DNAJC6: variants seen among roughly 807,000 people sequenced by gnomAD.
DNAJC6 encodes auxilin.
Under a neutral mutation model 110.0 loss-of-function variants are expected in DNAJC6, and 34 were observed. The ratio of observed to expected loss-of-function variants is 0.31; its 90% CI spans 0.24 to 0.41. DNAJC6 has a LOEUF of 0.41. Ranked by LOEUF, DNAJC6 falls within the 10% of genes least tolerant of loss-of-function variation. DNAJC6 has a pLI of 1.00. For synonymous variants in DNAJC6, 406 were observed against 437.2 expected (o/e 0.93, Z 0.89); for missense variants, 1,031 against 1,207.8 (o/e 0.85, Z 2.17).
chr1:65,360,539 A>G (rs772915763), intron 1 of DNAJC6, among the ~76,000 whole-genome samples: 3 of 152,230 alleles, frequency 2.0e-5, no homozygotes, highest in Non-Finnish European at 2.9e-5. Context: ...TTCAGGCTGA[A>G]CACATGAAAA....
chr1:65,301,999 G>A (rs1570243549), intron 1 of DNAJC6, among the ~76,000 whole-genome samples: 2 of 150,298 alleles, frequency 1.3e-5, no homozygotes, highest in Admixed American at 1.3e-4. Context: ...GAGAGAGGGA[G>A]AGAAAGAGAA....
chr1:65,384,169 G>T, intron 5 of DNAJC6, 24 bp from the exon 6 acceptor site: 2 of 1,439,634 alleles, frequency 1.4e-6, no homozygotes, highest in South Asian at 1.7e-5. Context: ...TGTTCATAAT[G>T]ATTTTATGCA....
At chr1:65,281,077 G>A (rs1316235812) in intron 1 of DNAJC6, among the ~76,000 whole-genome samples, 2 of 151,998 alleles carry the variant, frequency 1.3e-5, no homozygotes, top group South Asian at 2.1e-4. Context: ...GTGGGTGCTC[G>A]CCATTACACT....
chr1:65,289,887 C>G (rs1644849226), intron 1 of DNAJC6, among the ~76,000 whole-genome samples: 1 of 150,968 alleles, frequency 6.6e-6, no homozygotes, highest in Admixed American at 6.6e-5. Context: ...TGGGCTCACT[C>G]TAACCTCCAC....
intron 1 of DNAJC6, among the ~76,000 whole-genome samples, chr1:65,337,709 A>G (rs775189975): frequency 3.9e-5 from 6 of 152,230 alleles, no homozygotes; most frequent in Non-Finnish European, 7.3e-5. Context: ...ATTGCAATGT[A>G]ATAGGTATTA....
intron 9 of DNAJC6, 58 bp downstream of exon 9, chr1:65,388,473 G>T: frequency 4.7e-6 from 7 of 1,491,472 alleles, no homozygotes; most frequent in Non-Finnish European, 5.6e-6. Flanking sequence ...AAGTGCTGAG[G>T]CTCAATGGCA....
At chr1:65,291,003 G>A (rs965174855) in intron 1 of DNAJC6, among the ~76,000 whole-genome samples, 10 of 152,158 alleles carry the variant, frequency 6.6e-5, no homozygotes, top group Non-Finnish European at 1.5e-4. Context: ...TCTAGATAAA[G>A]CAAACTTGCA....
chr1:65,393,370 G>A (rs1417657113), intron 12 of DNAJC6, among the ~76,000 whole-genome samples: 1 of 152,174 alleles, frequency 6.6e-6, no homozygotes, highest in Non-Finnish European at 1.5e-5. Flanking sequence ...GATAAGGCCA[G>A]TGTCCAAACC....
chr1:65,311,213 C>CTTTTT (rs1278871536), intron 1 of DNAJC6, among the ~76,000 whole-genome samples: 9 of 69,742 alleles, frequency 1.3e-4, no homozygotes, highest in Non-Finnish European at 1.7e-4. Flanking sequence ...GGTTTCAGGA[C>CTTTTT]TGTTTTTTTT....
Position 65,348,256 on chromosome 1 carries a change from A to G in DNAJC6, c.194-16379A>G, listed in dbSNP as rs1402681513. Among the ~76,000 whole-genome samples the G allele has an allele frequency of 2.0e-5, 3 of 152,226 alleles. No homozygotes were observed. The East Asian group carries it at 5.8e-4, about 29-fold the overall frequency. ...GTCGATAATTATTTTATGCCCCAGC[A>G]TATGTAAACACTTGATAAGAGGGTA... On this transcript the variant is annotated intron_variant, in intron 1 of 18. Transcript: ENST00000371069.
At chr1:65,412,831 A>G in intron 18 of DNAJC6, 93 bp from the exon 19 acceptor site, 1 of 1,044,468 alleles carries the variant, frequency 9.6e-7, no homozygotes, top group East Asian at 2.4e-5. Context: ...AAACATTTCC[A>G]TTGCTTAGAG....
chr1:65,347,683 C>T (rs1645450148), intron 1 of DNAJC6, among the ~76,000 whole-genome samples: 1 of 151,902 alleles, frequency 6.6e-6, no homozygotes, highest in South Asian at 2.1e-4. Context: ...TACCTCTTTT[C>T]CCCGTTGTCT....
intron 1 of DNAJC6, among the ~76,000 whole-genome samples, chr1:65,288,540 T>C (rs931976603): frequency 9.9e-5 from 15 of 152,182 alleles, no homozygotes; most frequent in Non-Finnish European, 2.1e-4. Flanking sequence ...CCAAAGAACA[T>C]TGAATTTGTA....
intron 1 of DNAJC6, among the ~76,000 whole-genome samples, chr1:65,353,265 A>G (rs1424813260): frequency 1.3e-5 from 2 of 152,156 alleles, no homozygotes; most frequent in Middle Eastern, 3.2e-3. Flanking sequence ...TCAGGTTTCT[A>G]TTGAGGATTC....
chr1:65,366,972 G>C (rs1425126836), intron 4 of DNAJC6, among the ~76,000 whole-genome samples: 2 of 152,136 alleles, frequency 1.3e-5, no homozygotes, highest in Non-Finnish European at 2.9e-5. Flanking sequence ...TTTGATGCTG[G>C]AACACACTTC....
At chr1:65,408,894 A>G in intron 17 of DNAJC6, 111 bp downstream of exon 17, 1 of 1,290,582 alleles carries the variant, frequency 7.7e-7, no homozygotes. Flanking sequence ...TAGCCCATTC[A>G]GGCTGCTATA....
intron 1 of DNAJC6, among the ~76,000 whole-genome samples, chr1:65,350,367 G>A (rs6588134): frequency 6.6e-6 from 1 of 152,086 alleles, no homozygotes; most frequent in Non-Finnish European, 1.5e-5. Flanking sequence ...TTCTTTGCTG[G>A]TAGCTCATTA....
intron 1 of DNAJC6, among the ~76,000 whole-genome samples, chr1:65,282,184 A>G (rs570680074): frequency 3.3e-5 from 5 of 152,320 alleles, no homozygotes; most frequent in African/African-American, 1.2e-4. Context: ...TTGGCCCTGC[A>G]AAGTGCTGGG....
chr1:65,303,432 ATACT>A (rs1483931326), intron 1 of DNAJC6, among the ~76,000 whole-genome samples: 1 of 152,224 alleles, frequency 6.6e-6, no homozygotes, highest in Non-Finnish European at 1.5e-5. Flanking sequence ...ATAGTATGTC[ATACT>A]TTCTTTAGTA....
Sources: gnomAD v4.1 joint callset for allele counts (sites outside exome capture counted in the v4.1 genomes callset) on GRCh38, gnomAD v4.1.1 for gene constraint, MANE v1.5 for transcripts, NCBI Gene and HGNC (gene_info 2026-07-23, HGNC 2026-07-21) for gene names.